The following WDR70 variants were observed in gnomAD, a reference collection of about 807,000 sequenced individuals.
WDR70 encodes WD repeat-containing protein 70.
In WDR70, 53 loss-of-function variants were observed where a neutral mutation model predicts 88.6. The observed-to-expected ratio is 0.60, with a 90% confidence interval of 0.48 to 0.75. The LOEUF is 0.75. WDR70 is among the 30% of genes least tolerant of loss of function. WDR70 has a pLI of 0.00. For missense variants in WDR70, 610 were observed against 823.2 expected (o/e 0.74, Z 3.17); for synonymous variants, 280 against 270.0 (o/e 1.04, Z -0.36).
intron 5 of WDR70, among the ~76,000 whole-genome samples, chr5:37,425,206 G>C (rs889882528): frequency 2.6e-5 from 4 of 152,208 alleles, no homozygotes; most frequent in Non-Finnish European, 5.9e-5. Context: ...AGCCATGATT[G>C]TGCCTCTGCA....
chr5:37,426,013 T>G (rs7710582), intron 5 of WDR70, among the ~76,000 whole-genome samples: 92 of 152,262 alleles, frequency 6.0e-4, no homozygotes, highest in African/African-American at 2.1e-3. Flanking sequence ...GAGAGACATA[T>G]AGCCTGGGAT....
At chr5:37,691,105 G>A (rs1345355334) in intron 10 of WDR70, among the ~76,000 whole-genome samples, 1 of 152,118 alleles carries the variant, frequency 6.6e-6, no homozygotes, top group Non-Finnish European at 1.5e-5. Flanking sequence ...CTTTAAACCA[G>A]CAAAGATCAA....
At chr5:37,401,428 G>A (rs1157522477) in intron 5 of WDR70, among the ~76,000 whole-genome samples, 1 of 150,268 alleles carries the variant, frequency 6.7e-6, no homozygotes, top group Non-Finnish European at 1.5e-5. Context: ...CAATTCTCCT[G>A]CCTCAGCCTC....
chr5:37,592,733 T>A (rs1416783114), intron 9 of WDR70, among the ~76,000 whole-genome samples: 1 of 152,230 alleles, frequency 6.6e-6, no homozygotes. Flanking sequence ...AAAGCAATGA[T>A]GTTAACTCTC....
At chr5:37,461,508 G>C (rs767789401) in intron 7 of WDR70, among the ~76,000 whole-genome samples, 12 of 151,892 alleles carry the variant, frequency 7.9e-5, no homozygotes, top group Non-Finnish European at 1.6e-4. Context: ...GAGTGAGACA[G>C]AGTCTCACTC....
intron 9 of WDR70, among the ~76,000 whole-genome samples, chr5:37,561,740 T>C (rs906568707): frequency 6.6e-6 from 1 of 152,244 alleles, no homozygotes; most frequent in Non-Finnish European, 1.5e-5. Flanking sequence ...GAATCCCTTT[T>C]ATTATAGTTC....
At chr5:37,459,294 G>A (rs1237559793) in intron 7 of WDR70, among the ~76,000 whole-genome samples, 1 of 118,652 alleles carries the variant, frequency 8.4e-6, no homozygotes, top group Non-Finnish European at 1.9e-5. Context: ...TGAAAAAAAT[G>A]TATATTCTTT....
At position 37,430,013 on chromosome 5, in the gene WDR70, TA is replaced by T. The variant is rs1270961212; in HGVS notation, c.493-7907del. Reference sequence around the variant, plus strand: ...CTTTCCATTTATTTTAAGTTCTCCTTAATTTTTCTCAGTAACATAGTGTTAA... The same window carrying T: ...CTTTCCATTTATTTTAAGTTCTCCTTATTTTTCTCAGTAACATAGTGTTAA... On this transcript the variant is annotated intron_variant, in intron 5 of 17. Transcript: ENST00000265107. Among the ~76,000 whole-genome samples, 17 of 152,348 alleles carry T rather than the reference TA, an allele frequency of 1.1e-4. No homozygotes were observed. The South Asian group carries it at 3.3e-3, about 30-fold the overall frequency.
At chr5:37,590,130 A>G (rs989735229) in intron 9 of WDR70, among the ~76,000 whole-genome samples, 4 of 152,302 alleles carry the variant, frequency 2.6e-5, no homozygotes, top group Non-Finnish European at 5.9e-5. Flanking sequence ...TAGGAATTTA[A>G]TGGAATTTTC....
At chr5:37,678,407 G>A (rs1273309957) in intron 10 of WDR70, among the ~76,000 whole-genome samples, 2 of 152,196 alleles carry the variant, frequency 1.3e-5, no homozygotes, top group South Asian at 2.1e-4. Flanking sequence ...TCCTTCAGGA[G>A]CTCTTTTAGG....
chr5:37,427,733 A>G (rs917471624), intron 5 of WDR70, among the ~76,000 whole-genome samples: 2 of 151,968 alleles, frequency 1.3e-5, no homozygotes, highest in African/African-American at 4.8e-5. Flanking sequence ...CTAAAAATAC[A>G]AAAAATAGCT....
At chr5:37,457,339 A>C (rs886297478) in intron 7 of WDR70, among the ~76,000 whole-genome samples, 1 of 151,974 alleles carries the variant, frequency 6.6e-6, no homozygotes, top group Non-Finnish European at 1.5e-5. Flanking sequence ...CAAGTGATCC[A>C]CCCGCCTTGG....
chr5:37,516,475 T>C (rs776446737), intron 8 of WDR70, 39 bp from the exon 9 acceptor site: 1 of 1,367,360 alleles, frequency 7.3e-7, no homozygotes, highest in Non-Finnish European at 1.0e-6. Context: ...TTTTACCTTT[T>C]TAAAACATCT....
intron 10 of WDR70, among the ~76,000 whole-genome samples, chr5:37,613,814 A>T (rs1328940149): frequency 2.0e-5 from 3 of 152,084 alleles, no homozygotes; most frequent in South Asian, 2.1e-4. Flanking sequence ...TTACTGATTT[A>T]AAAAAAATCC....
intron 9 of WDR70, among the ~76,000 whole-genome samples, chr5:37,584,976 G>C (rs1743323337): frequency 7.1e-6 from 1 of 141,608 alleles, no homozygotes. Flanking sequence ...TGTAGTTACA[G>C]ACATACTAGA....
At chr5:37,456,115 A>G (rs1738832290) in intron 7 of WDR70, among the ~76,000 whole-genome samples, 1 of 152,166 alleles carries the variant, frequency 6.6e-6, no homozygotes, top group South Asian at 2.1e-4. Flanking sequence ...CTGGGTCAAT[A>G]CCTAAGTGTG....
chr5:37,704,896 T>A (rs893501094), intron 13 of WDR70, among the ~76,000 whole-genome samples: 7 of 144,578 alleles, frequency 4.8e-5, no homozygotes, highest in Admixed American at 6.9e-5. Flanking sequence ...TTTTTTTTTT[T>A]AAAGCAGAGG....
chr5:37,607,647 A>G (rs1048956858), intron 10 of WDR70, among the ~76,000 whole-genome samples: 1 of 152,196 alleles, frequency 6.6e-6, no homozygotes, highest in Middle Eastern at 3.2e-3. Context: ...CAGTTTCTCA[A>G]TCACACTGGA....
chr5:37,492,120 C>T (rs1007122117), intron 8 of WDR70, among the ~76,000 whole-genome samples: 2 of 152,294 alleles, frequency 1.3e-5, no homozygotes, highest in Non-Finnish European at 2.9e-5. Context: ...ATATTCATTG[C>T]TGTTGGGTGT....
Sources: gnomAD v4.1 joint callset for allele counts (sites outside exome capture counted in the v4.1 genomes callset) on GRCh38, gnomAD v4.1.1 for gene constraint, MANE v1.5 for transcripts, NCBI Gene and HGNC (gene_info 2026-07-23, HGNC 2026-07-21) for gene names.